Variants in PABPN1L observed in about 807,000 individuals in gnomAD.
PABPN1L encodes the protein PABPN1 like, cytoplasmic, also known as embryonic polyadenylate-binding protein 2.
In PABPN1L, 45 loss-of-function variants were observed where a neutral mutation model predicts 34.0. The ratio of observed to expected loss-of-function variants is 1.32; its 90% CI spans 1.04 to 1.70. The LOEUF (loss-of-function observed/expected upper bound fraction) is 1.70. Among genes scored for constraint, PABPN1L ranks in the 40% most tolerant of loss-of-function variants. The probability of loss-of-function intolerance (pLI) is 0.00; values close to 1 mark genes in which losing one functional copy is unlikely to be tolerated. For missense variants in PABPN1L, 459 were observed against 367.8 expected, an observed-to-expected ratio of 1.25 and a Z score of -2.03; for synonymous variants, 182 against 152.1, an observed-to-expected ratio of 1.20 and a Z score of -1.45.
At chr16:88,866,390 C>CCAGCAGAGA in exon 1 of PABPN1L, 3 of 1,551,014 alleles carry the variant, frequency 1.9e-6, no homozygotes, top group Non-Finnish European at 2.6e-6. Flanking sequence ...TTCTCTTGCT[C>CCAGCAGAGA]CAGCAGAGAC....
At position 88,865,551 on chromosome 16, in the gene PABPN1L, C is replaced by T; in HGVS notation, c.459+12G>A. ...ATTCGCTGCCTGCCCCTTCACCCCGCCCACCACTCACGTTGCCCACGTAGA... is the reference window on the plus strand; with the variant it reads ...ATTCGCTGCCTGCCCCTTCACCCCGTCCACCACTCACGTTGCCCACGTAGA... On this transcript the variant is annotated intron_variant, in intron 3 of 6. Coordinates refer to ENST00000419291, the Ensembl canonical transcript of PABPN1L. 6.2e-7 allele frequency: 1 copy of T among 1,610,216 alleles called. No homozygotes were observed. Among genetic ancestry groups the T allele is most frequent in the South Asian group, 1.1e-5 (1 of 90,356 alleles).
upstream of PABPN1L, among the ~76,000 whole-genome samples, chr16:88,869,398 C>G (rs1968657511): frequency 6.6e-6 from 1 of 152,288 alleles, no homozygotes; most frequent in South Asian, 2.1e-4. Context: ...CACGGTGCCA[C>G]TGTTTCCGGG....
chr16:88,866,378 G>A, exon 1 of PABPN1L: 1 of 1,550,710 alleles, frequency 6.4e-7, no homozygotes, highest in East Asian at 2.4e-5. Context: ...CACTCAGCCA[G>A]GTTCTCTTGC....
chr16:88,867,415 G>C (rs1202739692), upstream of PABPN1L, among the ~76,000 whole-genome samples: 1 of 152,010 alleles, frequency 6.6e-6, no homozygotes, highest in African/African-American at 2.4e-5. Flanking sequence ...CTTTTTAGTA[G>C]AGACAGGGTT....
chr16:88,864,992 G>T, intron 4 of PABPN1L, 30 bp downstream of exon 4: 2 of 1,599,884 alleles, frequency 1.3e-6, no homozygotes, highest in Non-Finnish European at 1.7e-6. Flanking sequence ...TGTCCGCATG[G>T]CCAGTGCCCC....
chr16:88,866,282 A>G, intron 1 of PABPN1L, 70 bp downstream of exon 1: 1 of 1,498,882 alleles, frequency 6.7e-7, no homozygotes, highest in Non-Finnish European at 8.9e-7. Flanking sequence ...CGTCACCCAG[A>G]CCCCGTGTCT....
At chr16:88,866,178 A>G (rs929841256) in intron 1 of PABPN1L, among the ~76,000 whole-genome samples, 174 bp downstream of exon 1, 12 of 152,182 alleles carry the variant, frequency 7.9e-5, no homozygotes, top group Non-Finnish European at 1.5e-4. Context: ...TTGACCCTGC[A>G]GTCTGTGTGG....
exon 2 of PABPN1L, chr16:88,865,914 A>G (rs374896419): frequency 3.1e-6 from 5 of 1,608,586 alleles, no homozygotes; most frequent in Non-Finnish European, 4.2e-6. Flanking sequence ...TCCATGGCAC[A>G]CACCTTCATC....
chr16:88,869,142 T>C (rs574059576), upstream of PABPN1L, among the ~76,000 whole-genome samples: 1 of 152,328 alleles, frequency 6.6e-6, no homozygotes, highest in East Asian at 1.9e-4. Flanking sequence ...TCCCTTTGGC[T>C]TAGTGCGTTT....
intron 3 of PABPN1L, 96 bp downstream of exon 3, chr16:88,865,467 C>A: frequency 6.8e-7 from 1 of 1,478,718 alleles, no homozygotes; most frequent in Admixed American, 2.0e-5. Context: ...GACCCCCTTC[C>A]CAGCAAGGCT....
At chr16:88,864,174 C>A (rs1329454267) in intron 6 of PABPN1L, 63 bp downstream of exon 6, 13 of 1,500,012 alleles carry the variant, frequency 8.7e-6, no homozygotes, top group Non-Finnish European at 1.2e-5. Flanking sequence ...GGACCCCCTC[C>A]TGCCCCTGAT....
upstream of PABPN1L, among the ~76,000 whole-genome samples, chr16:88,868,219 G>A (rs1968638358): frequency 2.0e-5 from 3 of 152,290 alleles, no homozygotes; most frequent in South Asian, 6.2e-4. Context: ...CAATCAATCA[G>A]TTTAGAGGTG....
upstream of PABPN1L, among the ~76,000 whole-genome samples, chr16:88,869,515 G>C (rs1302042690): frequency 6.6e-6 from 1 of 152,224 alleles, no homozygotes; most frequent in Non-Finnish European, 1.5e-5. Context: ...AGAAACCAAA[G>C]CTCCTCAGGG....
At chr16:88,863,679 C>G (rs561185634) in exon 7 of PABPN1L, 6 of 1,498,484 alleles carry the variant, frequency 4.0e-6, no homozygotes, top group Non-Finnish European at 5.4e-6. Flanking sequence ...CACTCCCTGC[C>G]CCAGCCCCAG....
rs1020703484 is a variant in PABPN1L, at chr16:88,863,773, A to G, written c.820T>C (p.Trp274Arg). Reference sequence around the variant, plus strand: ...TCTTCCCTTTAATACGGTGAAAACCATGGTGAGAATTTTCCACGGGCCCTG... The same window carrying G: ...TCTTCCCTTTAATACGGTGAAAACCGTGGTGAGAATTTTCCACGGGCCCTG... Residue 274 changes from tryptophan (W) to arginine (R), a missense_variant, in exon 7 of 7, where the codon TGG becomes CGG. By Grantham distance (101) the Trp-to-Arg change is moderately radical. Transcript: ENST00000419291. The G allele has an allele frequency of 2.1e-5, 32 of 1,535,926 alleles. No homozygotes were observed. Among genetic ancestry groups the G allele is most frequent in the African/African-American group, 2.7e-5 (2 of 73,052 alleles).
chr16:88,865,577 C>A, exon 3 of PABPN1L: 2 of 1,611,828 alleles, frequency 1.2e-6, no homozygotes, highest in Non-Finnish European at 1.7e-6. Flanking sequence ...CCCACGTAGA[C>A]GGATCTGTGG....
chr16:88,865,928 A>G, exon 2 of PABPN1L: 1 of 1,607,202 alleles, frequency 6.2e-7, no homozygotes, highest in Non-Finnish European at 8.5e-7. Flanking sequence ...CTTCATCTTG[A>G]TGGCCTCCAG....
At chr16:88,865,728 G>A (rs1968575740) in intron 2 of PABPN1L, 78 bp downstream of exon 2, 2 of 1,553,670 alleles carry the variant, frequency 1.3e-6, no homozygotes, top group Non-Finnish European at 1.7e-6. Context: ...TGACACCTTG[G>A]AGCCTGCCAG....
At chr16:88,868,815 C>T (rs540342258), upstream of PABPN1L, among the ~76,000 whole-genome samples, 3 of 152,320 alleles carry the variant, frequency 2.0e-5, no homozygotes, top group Admixed American at 6.5e-5. Context: ...CGTAGCCCCA[C>T]GCTCAGCGAC....
Sources: gnomAD v4.1 joint callset for allele counts (sites outside exome capture counted in the v4.1 genomes callset) on GRCh38, gnomAD v4.1.1 for gene constraint, MANE v1.5 for transcripts, NCBI Gene and HGNC (gene_info 2026-07-23, HGNC 2026-07-21) for gene names.